The following MBD2 variants were observed in gnomAD, a reference collection of about 807,000 sequenced individuals.
The protein encoded by MBD2 is methyl-CpG-binding domain protein 2.
A neutral mutation model predicts 39.3 loss-of-function variants in MBD2; 9 were observed. That is an observed-to-expected ratio of 0.23 (90% CI 0.14 to 0.40). The LOEUF is 0.40. MBD2 is among the 10% of genes least tolerant of loss of function. The pLI is 1.00. For missense variants in MBD2, 458 were observed against 532.6 expected, an observed-to-expected ratio of 0.86 and a Z score of 1.38; for synonymous variants, 233 against 211.1, an observed-to-expected ratio of 1.10 and a Z score of -0.90.
intron 1 of MBD2, chr18:54,222,465 C>G (rs1445922956): frequency 2.2e-6 from 1 of 444,724 alleles, no homozygotes; most frequent in East Asian, 6.3e-5. Flanking sequence ...AAATACAAAC[C>G]AAGACTATCA....
In MBD2 at chr18:54,164,631, G is replaced by A. The variant is rs201919549; in HGVS notation, c.1001C>T (p.Ala334Val). Residue 334 changes from alanine (A) to valine (V), a missense_variant, in exon 5 of 7, where the codon GCG (alanine) becomes GTG (valine). Coordinates refer to ENST00000256429, the MANE Select transcript of MBD2 (RefSeq NM_003927.5). ...AVASALHTSS[A>V]PITGQVSAAV... is the part of the protein sequence containing the mutation. ...AGCGGAGACTTGCCCTGTGATTGGC[G>A]CAGAGCTTGTGTGCAAAGCACTGGC... The A allele has an allele frequency of 9.2e-5, 149 of 1,613,996 alleles. No individual in the cohort carries two copies. Among genetic ancestry groups the A allele is most frequent in the Middle Eastern group, 1.6e-4 (1 of 6,084 alleles).
At chr18:54,168,328 A>C (rs1320169141) in intron 3 of MBD2, among the ~76,000 whole-genome samples, 3 of 151,608 alleles carry the variant, frequency 2.0e-5, no homozygotes, top group Non-Finnish European at 4.4e-5. Context: ...AATTAGTAAA[A>C]ATAAATCCTG....
intron 6 of MBD2, among the ~76,000 whole-genome samples, chr18:54,157,262 G>A (rs2086058913): frequency 1.3e-5 from 2 of 151,236 alleles, no homozygotes; most frequent in South Asian, 4.2e-4. Context: ...GGATTGAAAT[G>A]ATTTTTTTTT....
chr18:54,175,415 C>T (rs1028149802), intron 3 of MBD2, among the ~76,000 whole-genome samples: 2 of 152,202 alleles, frequency 1.3e-5, no homozygotes, highest in African/African-American at 4.8e-5. Context: ...AAATAAGAAT[C>T]CTGCTGCCCT....
chr18:54,159,639 G>A lies in MBD2; in HGVS notation c.*12+126C>T, dbSNP rs191330134. On this transcript the variant is annotated intron_variant, in intron 6 of 6. Transcript: ENST00000256429. Reference sequence around the variant, plus strand: ...TTGCCATGTTGCTCAAGCTGGTCTCGAACTACTGAGCTCAACTGATCGCCC... The same window carrying A: ...TTGCCATGTTGCTCAAGCTGGTCTCAAACTACTGAGCTCAACTGATCGCCC... 70 of 969,188 alleles carry A rather than the reference G, an allele frequency of 7.2e-5. No individual in the cohort carries two copies. In the East Asian group the frequency reaches 1.2e-3, roughly 17 times the overall value. 60.0% of individuals were successfully genotyped at this position (969,188 alleles called of 1,614,324 possible).
intron 1 of MBD2, chr18:54,222,404 A>T (rs1385300810): frequency 2.0e-6 from 1 of 511,758 alleles, no homozygotes; most frequent in Non-Finnish European, 3.9e-6. Flanking sequence ...GGACCTGTGA[A>T]AGTGCTCACA....
intron 2 of MBD2, among the ~76,000 whole-genome samples, chr18:54,197,082 C>T (rs181514991): frequency 2.6e-5 from 4 of 152,286 alleles, no homozygotes; most frequent in Non-Finnish European, 4.4e-5. Flanking sequence ...GCTCTTTGAA[C>T]AAGAGAACAT....
In MBD2 at chr18:54,213,263, G is replaced by A. The variant is rs113169186; in HGVS notation, c.543-8106C>T. Among the ~76,000 whole-genome samples, 787 of 152,246 alleles carry A rather than the reference G, an allele frequency of 5.2e-3. 10 individuals carry two copies. The highest frequency in any genetic ancestry group is 0.016 in the African/African-American group (672 of 41,534). On this transcript the variant is annotated intron_variant, in intron 1 of 6. Coordinates refer to ENST00000256429, the MANE Select transcript of MBD2 (RefSeq NM_003927.5). ...AGCATTACAGCCTGAGCTCTGCCTC[G>A]TGTCAGATCAGTGGCAGCTTTAGAT...
chr18:54,166,967 A>G (rs143047939), intron 3 of MBD2, among the ~76,000 whole-genome samples: 1 of 152,166 alleles, frequency 6.6e-6, no homozygotes, highest in South Asian at 2.1e-4. Flanking sequence ...CATCCATTCA[A>G]CATATCTTTA....
At chr18:54,215,944 G>A (rs773806766) in intron 1 of MBD2, among the ~76,000 whole-genome samples, 83 of 151,990 alleles carry the variant, frequency 5.5e-4, no homozygotes, top group Non-Finnish European at 1.1e-3. Flanking sequence ...TGGGATTACA[G>A]GCACCTGCCA....
chr18:54,180,897 C>CCTTTTTTTTTTT (rs2086246150), intron 3 of MBD2, among the ~76,000 whole-genome samples: 6 of 105,372 alleles, frequency 5.7e-5, no homozygotes, highest in African/African-American at 1.9e-4. Flanking sequence ...TTAATTTTTT[C>CCTTTTTTTTTTT]TTTTTCTTTT....
intron 3 of MBD2, among the ~76,000 whole-genome samples, chr18:54,167,128 T>C (rs1229105852): frequency 6.6e-6 from 1 of 152,186 alleles, no homozygotes; most frequent in African/African-American, 2.4e-5. Flanking sequence ...TATAGGACTC[T>C]GTATAACTGT....
intron 2 of MBD2, chr18:54,202,559 T>A (rs1568089649): frequency 3.8e-6 from 1 of 264,290 alleles, no homozygotes; most frequent in African/African-American, 2.3e-5. Context: ...ACTTATTTTT[T>A]AAAATGCAAA....
chr18:54,224,654 C>T lies in MBD2; in HGVS notation c.-95G>A. Reference sequence around the variant, plus strand: ...CGCCCGCAGCGCGGCGCGCGGGGGACGCGCGCAAGCATCATAGAGCGGGCG... The same window carrying T: ...CGCCCGCAGCGCGGCGCGCGGGGGATGCGCGCAAGCATCATAGAGCGGGCG... On this transcript the variant is annotated 5_prime_UTR_variant, in exon 1 of 7. Coordinates refer to ENST00000256429, the MANE Select transcript of MBD2 (RefSeq NM_003927.5). 1 of 925,814 alleles carries T rather than the reference C, an allele frequency of 1.1e-6. No individual in the cohort carries two copies. The highest frequency in any genetic ancestry group is 1.4e-6 in the Non-Finnish European group (1 of 708,666). The allele number at this position is 925,814 out of a possible 1,614,324, so 57.3% of individuals were successfully genotyped here. A position where few individuals can be genotyped will look rare whatever the true frequency, so the allele number is the denominator to read the frequency against.
intron 3 of MBD2, among the ~76,000 whole-genome samples, chr18:54,185,574 G>C (rs2086280431): frequency 6.6e-6 from 1 of 152,036 alleles, no homozygotes; most frequent in Non-Finnish European, 1.5e-5. Flanking sequence ...CATTATGAAG[G>C]GGGTAAACTA....
chr18:54,196,515 T>G (rs926493674), intron 2 of MBD2, among the ~76,000 whole-genome samples: 1 of 152,190 alleles, frequency 6.6e-6, no homozygotes, highest in African/African-American at 2.4e-5. Flanking sequence ...CTCCTTTACT[T>G]CTCAGTTGGC....
At chr18:54,211,419 ACACGCAAG>A (rs2086506423) in intron 1 of MBD2, among the ~76,000 whole-genome samples, 1 of 150,664 alleles carries the variant, frequency 6.6e-6, no homozygotes, top group Non-Finnish European at 1.5e-5. Flanking sequence ...ACACACGCAC[ACACGCAAG>A]CACGCACGAG....
chr18:54,184,098 A>G (rs1476425354), intron 3 of MBD2, among the ~76,000 whole-genome samples: 1 of 152,104 alleles, frequency 6.6e-6, no homozygotes, highest in Non-Finnish European at 1.5e-5. Flanking sequence ...TTTAAAATAA[A>G]ATGCCCTTTT....
intron 4 of MBD2, among the ~76,000 whole-genome samples, chr18:54,165,461 C>A (rs2086124514): frequency 6.6e-6 from 1 of 152,124 alleles, no homozygotes. Context: ...TTTGAGCAAT[C>A]CACAATATAT....
Sources: allele counts gnomAD v4.1 joint callset (sites outside exome capture counted in the v4.1 genomes callset), GRCh38; gene constraint gnomAD v4.1.1; transcripts MANE v1.5; gene names NCBI Gene and HGNC (gene_info 2026-07-23, HGNC 2026-07-21).